DOCK2: variants seen among roughly 807,000 people sequenced by gnomAD.
DOCK2 encodes the protein dedicator of cytokinesis protein 2.
A neutral mutation model predicts 248.9 loss-of-function variants in DOCK2; 87 were observed. That is an observed-to-expected ratio of 0.35 (90% CI 0.29 to 0.42). DOCK2 has a LOEUF of 0.42. DOCK2 is among the 10% of genes least tolerant of loss of function. The pLI is 1.00. For synonymous variants in DOCK2, 805 were observed against 821.6 expected (o/e 0.98, Z 0.35); for missense variants, 1,747 against 2,300.2 (o/e 0.76, Z 4.92).
At chr5:169,747,827 A>C (rs578254331) in intron 23 of DOCK2, among the ~76,000 whole-genome samples, 8 of 152,352 alleles carry the variant, frequency 5.3e-5, no homozygotes, top group Admixed American at 5.2e-4. Flanking sequence ...AATTCTCGAC[A>C]ACATAAAGTC....
In DOCK2 at chr5:169,985,901, C is replaced by T; in HGVS notation, c.2972C>T (p.Ala991Val). 1.9e-6 allele frequency: 3 copies of T among 1,610,616 alleles called. No individual in the cohort carries two copies. Among genetic ancestry groups the T allele is most frequent in the South Asian group, 2.2e-5 (2 of 90,512 alleles). Residue 991 changes from alanine to valine, a missense_variant, in exon 29 of 52, where the codon GCC (alanine) becomes GTC (valine). This residue lies in a region of DOCK2 where 858 missense variants were observed against 1,183.5 expected (regional missense o/e 0.72). Coordinates refer to ENST00000520908, the MANE Select transcript of DOCK2 (RefSeq NM_004946.3). Reference protein sequence around the residue: ...GKNVYPGDWMAMSMVQNRVFL... With the variant: ...GKNVYPGDWMVMSMVQNRVFL... ...AACGTGTACCCTGGAGACTGGATGG[C>T]CATGAGCATGGTTCAAAACAGGTGA...
At chr5:169,753,828 A>G (rs1040017154) in intron 23 of DOCK2, among the ~76,000 whole-genome samples, 1 of 152,228 alleles carries the variant, frequency 6.6e-6, no homozygotes, top group Middle Eastern at 3.2e-3. Context: ...CCTCGGGGAC[A>G]ACTCAGCATC....
At chr5:169,654,796 G>A (rs1758011420) in intron 2 of DOCK2, among the ~76,000 whole-genome samples, 1 of 152,182 alleles carries the variant, frequency 6.6e-6, no homozygotes. Context: ...CACGATAAAG[G>A]GAAATAAGCA....
chr5:169,832,383 C>T (rs1007571608), intron 26 of DOCK2, among the ~76,000 whole-genome samples: 19 of 152,304 alleles, frequency 1.2e-4, no homozygotes, highest in African/African-American at 4.1e-4. Flanking sequence ...GCCCAAGTCC[C>T]GCCTGGCACA....
At chr5:169,932,142 T>C (rs747303503) in intron 27 of DOCK2, among the ~76,000 whole-genome samples, 1 of 152,130 alleles carries the variant, frequency 6.6e-6, no homozygotes, top group Non-Finnish European at 1.5e-5. Flanking sequence ...TAAGAGCATA[T>C]GATGGAGGTG....
chr5:169,996,544 C>T (rs1213459046), intron 30 of DOCK2, among the ~76,000 whole-genome samples: 2 of 152,156 alleles, frequency 1.3e-5, no homozygotes, highest in Non-Finnish European at 2.9e-5. Flanking sequence ...ATCAAATTCT[C>T]CAGTACAACT....
At chr5:169,900,771 G>A (rs753832180) in intron 27 of DOCK2, among the ~76,000 whole-genome samples, 19 of 151,886 alleles carry the variant, frequency 1.3e-4, no homozygotes, top group African/African-American at 2.7e-4. Flanking sequence ...AGGGAGAGCC[G>A]CAAAGAAGCT....
At chr5:169,971,512 C>G (rs1181947453) in intron 27 of DOCK2, among the ~76,000 whole-genome samples, 1 of 150,394 alleles carries the variant, frequency 6.6e-6, no homozygotes, top group African/African-American at 2.5e-5. Context: ...AATGTGAAAC[C>G]TTGGAGTCAG....
chr5:169,965,413 T>C (rs1777261590), intron 27 of DOCK2, among the ~76,000 whole-genome samples: 1 of 152,222 alleles, frequency 6.6e-6, no homozygotes, highest in African/African-American at 2.4e-5. Flanking sequence ...CAAAACATTA[T>C]GGGATGAGCT....
intron 27 of DOCK2, among the ~76,000 whole-genome samples, chr5:169,894,156 C>T (rs993411521): frequency 1.3e-5 from 2 of 152,180 alleles, no homozygotes; most frequent in African/African-American, 2.4e-5. Flanking sequence ...TTCCACCTCA[C>T]AACAAGTTTT....
Position 169,754,920 on chromosome 5 carries a change from A to ATTAT in DOCK2, c.2377-4754_2377-4751dup, listed in dbSNP as rs144364050. Among the ~76,000 whole-genome samples the ATTAT allele has an allele frequency of 3.8e-3, 531 of 141,342 alleles. 1 individual carries two copies. The highest frequency in any genetic ancestry group is 0.011 in the South Asian group (48 of 4,368). 92.7% of individuals were successfully genotyped at this position (141,342 alleles called of 152,430 possible). A position where few individuals can be genotyped will look rare whatever the true frequency, so the allele number is the denominator to read the frequency against. ...TTTCCAATAATGGTTCCTATTTTTT[A>ATTAT]TTATTTATTTATTTATTTATTTATT... is the stretch of plus-strand genomic sequence containing the variant. On this transcript the variant is annotated intron_variant, in intron 23 of 51. Transcript: ENST00000520908.
chr5:169,691,599 G>T (rs887713264), intron 9 of DOCK2, among the ~76,000 whole-genome samples: 1 of 152,144 alleles, frequency 6.6e-6, no homozygotes, highest in Non-Finnish European at 1.5e-5. Flanking sequence ...GTGATGTGAT[G>T]GTATGTGACT....
chr5:169,760,156 T>C (rs1048642032), intron 24 of DOCK2, among the ~76,000 whole-genome samples: 2 of 152,314 alleles, frequency 1.3e-5, no homozygotes, highest in South Asian at 4.1e-4. Context: ...AAAGAGATAA[T>C]GGAGACAGCT....
intron 27 of DOCK2, among the ~76,000 whole-genome samples, chr5:169,859,909 G>C (rs1771092394): frequency 6.6e-6 from 1 of 151,744 alleles, no homozygotes; most frequent in East Asian, 1.9e-4. Flanking sequence ...TTGAATCATG[G>C]GCGACTTTAT....
At chr5:169,720,179 A>G (rs539642808) in intron 22 of DOCK2, among the ~76,000 whole-genome samples, 13 of 152,282 alleles carry the variant, frequency 8.5e-5, no homozygotes, top group African/African-American at 3.1e-4. Context: ...TGAGTCGGGT[A>G]TTCTAGGTTT....
intron 27 of DOCK2, among the ~76,000 whole-genome samples, chr5:169,981,520 A>G (rs1408141697): frequency 1.3e-5 from 2 of 152,102 alleles, no homozygotes; most frequent in East Asian, 3.8e-4. Context: ...TTTTTTCATT[A>G]TTATTATACC....
chr5:170,069,306 G>A, intron 46 of DOCK2, 86 bp downstream of exon 46: 1 of 1,400,456 alleles, frequency 7.1e-7, no homozygotes, highest in Non-Finnish European at 9.9e-7. Flanking sequence ...GGCTCTAGCT[G>A]AGGCAGCCTG....
rs947573278 is a variant in DOCK2, at chr5:169,869,956, G to T, written c.2799+29104G>T. 1.4e-4 allele frequency among the ~76,000 whole-genome samples: 22 copies of T among 152,230 alleles called. 1 individual carries two copies. Among genetic ancestry groups the T allele is most frequent in the Admixed American group, 5.2e-4 (8 of 15,274 alleles). ...ATAGGTGCAGAGTGCTGAGTTTGCA[G>T]AACCCTGGCTTACAGTGGAGGGCAA... On this transcript the variant is annotated intron_variant, in intron 27 of 51. Coordinates refer to ENST00000520908, the MANE Select transcript of DOCK2 (RefSeq NM_004946.3).
At chr5:169,875,507 T>C (rs1244377921) in intron 27 of DOCK2, 2 of 322,044 alleles carry the variant, frequency 6.2e-6, no homozygotes, top group Admixed American at 4.2e-5. Context: ...CTGTGGAATC[T>C]GGCTTGTTGG....
Sources: gnomAD v4.1 joint callset for allele counts (sites outside exome capture counted in the v4.1 genomes callset) on GRCh38, gnomAD v4.1.1 for gene constraint, gnomAD v4.1.1 regional missense constraint, MANE v1.5 for transcripts, NCBI Gene and HGNC (gene_info 2026-07-23, HGNC 2026-07-21) for gene names.